Variants in RMC1 observed in about 807,000 individuals in gnomAD.
RMC1 encodes regulator of MON1-CCZ1.
Under a neutral mutation model 95.5 loss-of-function variants are expected in RMC1, and 44 were observed. The ratio of observed to expected loss-of-function variants is 0.46; its 90% CI spans 0.36 to 0.59. RMC1 has a LOEUF of 0.59. Ranked by LOEUF, RMC1 falls within the 20% of genes least tolerant of loss-of-function variation. The pLI, the probability that RMC1 is intolerant of heterozygous loss-of-function variation, is 0.00. For synonymous variants in RMC1, 320 were observed against 303.6 expected (o/e 1.05, Z -0.56); for missense variants, 705 against 819.6 (o/e 0.86, Z 1.71).
chr18:23,506,807 G>A (rs2057728195), intron 2 of RMC1, among the ~76,000 whole-genome samples, 163 bp from the exon 3 acceptor site: 2 of 152,138 alleles, frequency 1.3e-5, no homozygotes, highest in African/African-American at 4.8e-5. Flanking sequence ...GTTGGATTTG[G>A]TAGTTTGAAA....
At chr18:23,529,503 T>C in intron 15 of RMC1, 132 bp from the exon 16 acceptor site, 1 of 1,234,100 alleles carries the variant, frequency 8.1e-7, no homozygotes, top group Non-Finnish European at 1.2e-6. Flanking sequence ...TGGAGCGATG[T>C]GTGCAAAACC....
At chr18:23,516,496 C>G in intron 7 of RMC1, 73 bp downstream of exon 7, 9 of 1,496,828 alleles carry the variant, frequency 6.0e-6, no homozygotes, top group South Asian at 4.6e-5. Context: ...GAGTGTGTTA[C>G]AAGCACCACG....
chr18:23,520,276 C>T lies in RMC1; in HGVS notation c.924C>T (p.Pro308=), dbSNP rs1367083. The change falls in exon 10 of 20, where the codon CCC becomes CCT. Residue 308 remains proline (P), a synonymous_variant. Transcript: ENST00000269221. ...TTACCTTCCACCACCCCGTGCTTCC[C>T]GCTCGATCGATCCAGCCCTATCAGA... ...GSVTFHHPVL[P]ARSIQPYQIP... is the part of the protein sequence containing the mutation. 0.51 allele frequency: 826,449 copies of T among 1,613,132 alleles called. 217,782 individuals carry two copies. The highest frequency in any genetic ancestry group is 0.9 in the East Asian group (40,565 of 44,856).
chr18:23,525,254 T>C (rs2058263952), intron 12 of RMC1, among the ~76,000 whole-genome samples: 1 of 151,244 alleles, frequency 6.6e-6, no homozygotes, highest in Non-Finnish European at 1.5e-5. Context: ...CCTAAAGAAA[T>C]CTTATTTTTT....
At position 23,531,673 on chromosome 18, in the gene RMC1, A is replaced by G. The variant is rs1274437802; in HGVS notation, c.1943A>G (p.Asp648Gly). ...HVAFFKQIFGDQALMRPTTF is the reference protein window; with the variant it reads ...HVAFFKQIFGGQALMRPTTF ...GCTTTTTTCAAACAGATTTTTGGAG[A>G]CCAAGCTCTAATGAGGCCTACAACA... is the stretch of plus-strand genomic sequence containing the variant. Residue 648 changes from aspartate (D) to glycine (G), a missense_variant, in exon 20 of 20, where the codon GAC (aspartate) becomes GGC (glycine). Coordinates refer to ENST00000269221, the MANE Select transcript of RMC1 (RefSeq NM_013326.5). The G allele has an allele frequency of 6.2e-7, 1 of 1,613,400 alleles. No individual in the cohort carries two copies. The highest frequency in any genetic ancestry group is 8.5e-7 in the Non-Finnish European group (1 of 1,179,870).
At chr18:23,504,671 C>T in intron 2 of RMC1, 2 of 436,142 alleles carry the variant, frequency 4.6e-6, no homozygotes, top group Non-Finnish European at 4.2e-6. Flanking sequence ...CCAAATACTT[C>T]AAAAGTGGGG....
chr18:23,514,898 A>C (rs2057959671), intron 5 of RMC1, among the ~76,000 whole-genome samples: 1 of 152,140 alleles, frequency 6.6e-6, no homozygotes, highest in African/African-American at 2.4e-5. Context: ...CATGAGCATT[A>C]ATGTCTTGGG....
At chr18:23,523,862 T>A (rs1938999630) in intron 10 of RMC1, among the ~76,000 whole-genome samples, 1 of 152,238 alleles carries the variant, frequency 6.6e-6, no homozygotes, top group South Asian at 2.1e-4. Flanking sequence ...ATGAGTCATC[T>A]TTGGTTATTA....
At position 23,520,192 on chromosome 18, in the gene RMC1, TCCCC is replaced by T. The variant is rs748071437; in HGVS notation, c.850-6_850-3del. On this transcript the variant is annotated splice_polypyrimidine_tract_variant and splice_region_variant and intron_variant, in intron 9 of 19. Transcript: ENST00000269221. ...GATTTTGGCCTCAGTCTTGTCTTTT[TCCCC>T]CCCAGACATCGGTAATATTCGATAT... is the stretch of plus-strand genomic sequence containing the variant. 1 of 1,607,204 alleles carries T rather than the reference TCCCC, an allele frequency of 6.2e-7. No homozygotes were observed. Among genetic ancestry groups the T allele is most frequent in the Non-Finnish European group, 8.5e-7 (1 of 1,173,952 alleles).
At chr18:23,526,007 C>G (rs2058289152) in intron 12 of RMC1, among the ~76,000 whole-genome samples, 1 of 152,194 alleles carries the variant, frequency 6.6e-6, no homozygotes, top group African/African-American at 2.4e-5. Flanking sequence ...GTGCATCTCG[C>G]TGGTGTTTTC....
chr18:23,528,125 C>A, intron 14 of RMC1: 2 of 448,898 alleles, frequency 4.5e-6, no homozygotes, highest in Admixed American at 4.0e-5. Flanking sequence ...TTCATACCTT[C>A]ACTGTTTTTG....
chr18:23,521,596 G>C (rs1453325453), intron 10 of RMC1, among the ~76,000 whole-genome samples: 1 of 152,184 alleles, frequency 6.6e-6, no homozygotes, highest in Non-Finnish European at 1.5e-5. Context: ...AGGAATTCAG[G>C]AAAAGGGAAA....
intron 5 of RMC1, among the ~76,000 whole-genome samples, chr18:23,511,024 C>T (rs1039090685): frequency 1.4e-4 from 22 of 152,180 alleles, no homozygotes; most frequent in Non-Finnish European, 2.2e-4. Context: ...GGCACATGCA[C>T]GTGAATGTTC....
chr18:23,513,537 T>C (rs763905392), intron 5 of RMC1, among the ~76,000 whole-genome samples: 7 of 152,262 alleles, frequency 4.6e-5, no homozygotes, highest in Non-Finnish European at 8.8e-5. Flanking sequence ...GATCCCGTTT[T>C]CAGTTCTTTT....
chr18:23,517,259 C>T (rs1788814), intron 7 of RMC1, among the ~76,000 whole-genome samples: 4 of 151,632 alleles, frequency 2.6e-5, no homozygotes, highest in African/African-American at 7.3e-5. Flanking sequence ...AAGCGATTCT[C>T]CTGCCTCAGC....
intron 1 of RMC1, 121 bp from the exon 2 acceptor site, chr18:23,504,250 G>T: frequency 2.6e-6 from 2 of 777,522 alleles, no homozygotes; most frequent in Admixed American, 4.0e-5. Context: ...CTTGATATGT[G>T]CCGTGTTACT....
At chr18:23,505,822 G>A (rs1322234440) in intron 2 of RMC1, among the ~76,000 whole-genome samples, 1 of 152,174 alleles carries the variant, frequency 6.6e-6, no homozygotes, top group Non-Finnish European at 1.5e-5. Flanking sequence ...AATCTAGATT[G>A]GGGGCTCTAA....
intron 13 of RMC1, 136 bp downstream of exon 13, chr18:23,526,901 A>G: frequency 1.1e-5 from 13 of 1,185,828 alleles, no homozygotes; most frequent in Non-Finnish European, 1.5e-5. Flanking sequence ...AGGGGTGGCT[A>G]TGTGACCCCC....
At chr18:23,529,397 G>C (rs772488961) in intron 15 of RMC1, 99 bp downstream of exon 15, 5 of 1,483,680 alleles carry the variant, frequency 3.4e-6, no homozygotes, top group Non-Finnish European at 4.5e-6. Context: ...CACTTGAAGT[G>C]ATTAGAATCA....
Sources: gnomAD v4.1 joint callset for allele counts (sites outside exome capture counted in the v4.1 genomes callset) on GRCh38, gnomAD v4.1.1 for gene constraint, MANE v1.5 for transcripts, NCBI Gene and HGNC (gene_info 2026-07-23, HGNC 2026-07-21) for gene names.